RASEF: variants seen among roughly 807,000 people sequenced by gnomAD.
RASEF encodes the protein RAS and EF-hand domain containing, also known as ras and EF-hand domain-containing protein.
RASEF carries 68 observed loss-of-function variants against 90.1 expected under a neutral mutation model. The observed-to-expected ratio is 0.75, with a 90% confidence interval of 0.62 to 0.92. The LOEUF is 0.92. RASEF is among the 40% of genes least tolerant of loss of function. RASEF has a pLI of 0.00. For synonymous variants in RASEF, 331 were observed against 345.2 expected, an observed-to-expected ratio of 0.96 and a Z score of 0.46; for missense variants, 949 against 937.2, an observed-to-expected ratio of 1.01 and a Z score of -0.16.
At chr9:83,014,587 G>T (rs907449439) in intron 4 of RASEF, among the ~76,000 whole-genome samples, 1 of 152,034 alleles carries the variant, frequency 6.6e-6, no homozygotes, top group African/African-American at 2.4e-5. Context: ...CAAAGTATTA[G>T]GTTTACAGAC....
the RASEF span, among the ~76,000 whole-genome samples, chr9:83,140,787 A>G: frequency 6.6e-6 from 1 of 152,242 alleles, no homozygotes; most frequent in Non-Finnish European, 1.5e-5. Flanking sequence ...TCAAAAGCAT[A>G]GAAGAAAATA....
At chr9:83,005,376 C>A in intron 8 of RASEF, 40 bp downstream of exon 8, 2 of 1,423,814 alleles carry the variant, frequency 1.4e-6, no homozygotes. Flanking sequence ...TACTCCACCA[C>A]TAGAAAGAAT....
intron 4 of RASEF, among the ~76,000 whole-genome samples, chr9:83,013,232 C>G (rs539191086): frequency 5.0e-4 from 76 of 152,268 alleles, no homozygotes; most frequent in African/African-American, 1.8e-3. Context: ...CAACAAAATG[C>G]CTTTCCTACA....
chr9:83,211,574 G>T, the RASEF span, among the ~76,000 whole-genome samples: 4 of 152,222 alleles, frequency 2.6e-5, no homozygotes, highest in Non-Finnish European at 5.9e-5. Context: ...GACTGGACTA[G>T]CTCATCAAAG....
the RASEF span, among the ~76,000 whole-genome samples, chr9:83,183,275 T>C: frequency 4.7e-5 from 7 of 149,956 alleles, no homozygotes; most frequent in South Asian, 2.1e-4. Context: ...TATATATATA[T>C]ATATATATAT....
At chr9:83,122,039 A>G in the RASEF span, among the ~76,000 whole-genome samples, 1 of 152,256 alleles carries the variant, frequency 6.6e-6, no homozygotes, top group Non-Finnish European at 1.5e-5. Flanking sequence ...TGCCATGTAC[A>G]TAATAAGAAG....
chr9:83,190,359 T>C, the RASEF span, among the ~76,000 whole-genome samples: 173 of 152,284 alleles, frequency 1.1e-3, 1 homozygote, highest in East Asian at 0.024. Context: ...TATTTGTAAA[T>C]CATAAAAGAG....
chr9:83,105,654 A>G, the RASEF span, among the ~76,000 whole-genome samples: 1 of 152,268 alleles, frequency 6.6e-6, no homozygotes, highest in Non-Finnish European at 1.5e-5. Flanking sequence ...CGCATGGTAT[A>G]ATATGGGATC....
intron 1 of RASEF, among the ~76,000 whole-genome samples, 182 bp downstream of exon 1, chr9:83,062,255 T>C (rs1315716324): frequency 6.6e-6 from 1 of 152,134 alleles, no homozygotes; most frequent in East Asian, 1.9e-4. Flanking sequence ...GCTGACTCTC[T>C]GACTCCTTTT....
the RASEF span, among the ~76,000 whole-genome samples, chr9:83,138,603 T>G: frequency 6.6e-6 from 1 of 152,180 alleles, no homozygotes; most frequent in Admixed American, 6.5e-5. Flanking sequence ...GCAGAGCCAC[T>G]TCCTTAAAAG....
At chr9:83,103,874 T>G in the RASEF span, among the ~76,000 whole-genome samples, 1 of 152,146 alleles carries the variant, frequency 6.6e-6, no homozygotes, top group South Asian at 2.1e-4. Flanking sequence ...GCAATAGAAT[T>G]CCTAATGGTA....
intron 1 of RASEF, among the ~76,000 whole-genome samples, chr9:83,030,603 CTAACA>C (rs1829628473): frequency 6.6e-6 from 1 of 152,176 alleles, no homozygotes; most frequent in Non-Finnish European, 1.5e-5. Context: ...ATGTCTGCCA[CTAACA>C]GAAAATATGT....
the RASEF span, among the ~76,000 whole-genome samples, chr9:83,196,923 A>G: frequency 6.6e-6 from 1 of 152,224 alleles, no homozygotes; most frequent in Non-Finnish European, 1.5e-5. Flanking sequence ...TGGAACCACA[A>G]AATGTCTCTA....
At chr9:83,125,528 A>G in the RASEF span, among the ~76,000 whole-genome samples, 39 of 152,170 alleles carry the variant, frequency 2.6e-4, no homozygotes, top group Non-Finnish European at 3.8e-4. Context: ...CAATTTGCTA[A>G]TTTTTTCTGA....
At chr9:83,184,874 C>A in the RASEF span, among the ~76,000 whole-genome samples, 1 of 152,092 alleles carries the variant, frequency 6.6e-6, no homozygotes, top group South Asian at 2.1e-4. Context: ...ATATAATCAG[C>A]AACTGTTGTT....
At chr9:83,114,474 A>C in the RASEF span, among the ~76,000 whole-genome samples, 2 of 152,230 alleles carry the variant, frequency 1.3e-5, no homozygotes, top group African/African-American at 4.8e-5. Flanking sequence ...ATGTTCAGGG[A>C]ACAAGAGAGA....
intron 1 of RASEF, among the ~76,000 whole-genome samples, chr9:83,037,394 A>C (rs1829762370): frequency 1.3e-5 from 2 of 152,168 alleles, no homozygotes; most frequent in African/African-American, 4.8e-5. Flanking sequence ...ACGTTCAGGA[A>C]GTTCATTCTG....
chr9:83,031,147 G>A (rs1829638385), intron 1 of RASEF, among the ~76,000 whole-genome samples: 1 of 152,322 alleles, frequency 6.6e-6, no homozygotes, highest in East Asian at 1.9e-4. Flanking sequence ...TACAAAGCCA[G>A]TTCTTTGTTA....
the RASEF span, among the ~76,000 whole-genome samples, chr9:83,147,329 A>G: frequency 2.6e-5 from 4 of 152,210 alleles, no homozygotes; most frequent in African/African-American, 9.7e-5. Flanking sequence ...ACGAAAGCAC[A>G]TCATTTCTGC....
Sources: allele counts gnomAD v4.1 joint callset (sites outside exome capture counted in the v4.1 genomes callset), GRCh38; gene constraint gnomAD v4.1.1; transcripts MANE v1.5; gene names NCBI Gene and HGNC (gene_info 2026-07-23, HGNC 2026-07-21).